The following XRCC5 variants were observed in gnomAD, a reference collection of about 807,000 sequenced individuals.
XRCC5 encodes the protein X-ray repair cross complementing 5.
Under a neutral mutation model 95.7 loss-of-function variants are expected in XRCC5, and 12 were observed. The observed-to-expected ratio is 0.13, with a 90% CI of 0.08 to 0.20. XRCC5 has a LOEUF of 0.20. XRCC5 is among the 10% of genes least tolerant of loss of function. The probability of loss-of-function intolerance (pLI) is 1.00; values close to 1 mark genes in which losing one functional copy is unlikely to be tolerated. For synonymous variants in XRCC5, 281 were observed against 290.3 expected, an observed-to-expected ratio of 0.97 and a Z score of 0.33; for missense variants, 595 against 873.9, an observed-to-expected ratio of 0.68 and a Z score of 4.02.
intron 19 of XRCC5, among the ~76,000 whole-genome samples, chr2:216,200,016 A>G (rs767583083): frequency 2.1e-5 from 3 of 142,954 alleles, no homozygotes; most frequent in Non-Finnish European, 4.4e-5. Flanking sequence ...GCAATTGGCC[A>G]TTTTACCAAT....
chr2:216,162,125 G>A (rs1688964972), intron 16 of XRCC5, 77 bp downstream of exon 16: 1 of 1,366,468 alleles, frequency 7.3e-7, no homozygotes, highest in South Asian at 1.2e-5. Context: ...AAGAACTGTA[G>A]CCTTTTGTTG....
At chr2:216,123,916 A>T (rs1393423598) in intron 6 of XRCC5, among the ~76,000 whole-genome samples, 1 of 152,214 alleles carries the variant, frequency 6.6e-6, no homozygotes, top group Admixed American at 6.5e-5. Flanking sequence ...CTGACTATGC[A>T]TTGTTTTAGC....
At chr2:216,114,135 A>G (rs1323458560) in intron 2 of XRCC5, among the ~76,000 whole-genome samples, 1 of 152,204 alleles carries the variant, frequency 6.6e-6, no homozygotes, top group Non-Finnish European at 1.5e-5. Context: ...GAATTAATGT[A>G]GATAAAGTGC....
chr2:216,204,509 C>A, intron 20 of XRCC5, 113 bp downstream of exon 20: 1 of 1,135,268 alleles, frequency 8.8e-7, no homozygotes, highest in Non-Finnish European at 1.3e-6. Flanking sequence ...TTTTAATTTC[C>A]AATACACCAG....
At chr2:216,132,562 A>G (rs1261409650) in intron 10 of XRCC5, among the ~76,000 whole-genome samples, 175 bp downstream of exon 10, 2 of 152,238 alleles carry the variant, frequency 1.3e-5, no homozygotes, top group African/African-American at 2.4e-5. Flanking sequence ...TTGTGTTAGC[A>G]TGAGCACAAG....
chr2:216,181,618 TC>T lies in XRCC5; in HGVS notation c.1835-8604del, dbSNP rs561068766. Among the ~76,000 whole-genome samples the T allele has an allele frequency of 4.6e-5, 7 of 152,342 alleles. No individual in the cohort carries two copies. In the South Asian group the frequency reaches 1.5e-3, roughly 32 times the overall value. On this transcript the variant is annotated intron_variant, in intron 16 of 20. Coordinates refer to ENST00000392132, the MANE Select transcript of XRCC5 (RefSeq NM_021141.4). ...ATTTGAGAACCGGTATATCTTTGGA[TC>T]CCAATGCCGCCCGTAGTTTTATTGT...
intron 2 of XRCC5, among the ~76,000 whole-genome samples, chr2:216,113,572 G>GTT (rs1240387340): frequency 1.3e-5 from 2 of 152,142 alleles, no homozygotes; most frequent in Non-Finnish European, 2.9e-5. Context: ...ATCATTCATG[G>GTT]TTCTGTGGGA....
chr2:216,144,439 G>T (rs1333125438), intron 13 of XRCC5, among the ~76,000 whole-genome samples: 1 of 152,164 alleles, frequency 6.6e-6, no homozygotes, highest in African/African-American at 2.4e-5. Flanking sequence ...CCCACTTGAA[G>T]GCTTAAGAGT....
chr2:216,179,604 C>T (rs892587212), intron 16 of XRCC5, among the ~76,000 whole-genome samples: 5 of 152,100 alleles, frequency 3.3e-5, no homozygotes, highest in African/African-American at 1.2e-4. Context: ...TAGTGGATAT[C>T]TGGGAGGAGA....
intron 17 of XRCC5, among the ~76,000 whole-genome samples, chr2:216,190,667 G>A (rs1044502187): frequency 1.3e-5 from 2 of 152,060 alleles, no homozygotes; most frequent in African/African-American, 4.8e-5. Context: ...TATTGTAAAG[G>A]ATGGGCTATT....
At position 216,148,137 on chromosome 2, in the gene XRCC5, C is replaced by T. The variant is rs1688674810; in HGVS notation, c.1531C>T (p.His511Tyr). Residue 511 changes from histidine to tyrosine, a missense_variant, in exon 14 of 21, where the codon CAT (histidine) becomes TAT (tyrosine). Around this residue, in one of 2 missense-constraint regions of XRCC5, gnomAD observed 309 missense variants for 382.9 expected, o/e 0.81. Coordinates refer to ENST00000392132, the MANE Select transcript of XRCC5 (RefSeq NM_021141.4). ...GGAGCCTCTACCCCCAATTCAGCAG[C>T]ATATTTGGAATATGCTGAATCCTCC... ...PREPLPPIQQ[H>Y]IWNMLNPPAE... The T allele has an allele frequency of 6.2e-7, 1 of 1,613,804 alleles. No individual in the cohort carries two copies.
intron 5 of XRCC5, 113 bp from the exon 6 acceptor site, chr2:216,121,949 A>G (rs892906290): frequency 3.1e-6 from 3 of 964,720 alleles, no homozygotes; most frequent in Middle Eastern, 2.9e-4. Context: ...GAGTCGTTTG[A>G]CAGATGAGAA....
At chr2:216,144,490 T>C (rs955297433) in intron 13 of XRCC5, among the ~76,000 whole-genome samples, 2 of 152,160 alleles carry the variant, frequency 1.3e-5, no homozygotes, top group African/African-American at 4.8e-5. Context: ...AATCAATTCT[T>C]AAGGCATTTA....
At chr2:216,156,753 T>G in intron 14 of XRCC5, 1 of 533,270 alleles carries the variant, frequency 1.9e-6, no homozygotes, top group South Asian at 1.4e-5. Context: ...TTGCCGCTGC[T>G]CCATTGGAAC....
intron 16 of XRCC5, among the ~76,000 whole-genome samples, chr2:216,179,116 A>G (rs974464931): frequency 6.6e-6 from 1 of 152,222 alleles, no homozygotes; most frequent in Admixed American, 6.5e-5. Flanking sequence ...ACTAAAGTCC[A>G]AAATCACAGG....
intron 6 of XRCC5, among the ~76,000 whole-genome samples, chr2:216,123,908 G>A (rs1696861762): frequency 6.6e-6 from 1 of 152,220 alleles, no homozygotes; most frequent in South Asian, 2.1e-4. Flanking sequence ...GGAAATTACT[G>A]ACTATGCATT....
chr2:216,124,732 G>GT (rs1696876471), intron 6 of XRCC5, among the ~76,000 whole-genome samples: 2 of 151,756 alleles, frequency 1.3e-5, no homozygotes, highest in Non-Finnish European at 2.9e-5. Flanking sequence ...TTGTAGATCT[G>GT]TTTTTTATCT....
chr2:216,190,329 A>G lies in XRCC5; in HGVS notation c.1939A>G (p.Ile647Val), dbSNP rs745872481. ...CATCCGAGCCTTCCGGGAAGAAGCCATTAAGGTAATGCTATCCTAGCATCT... is the reference window on the plus strand; with the variant it reads ...CATCCGAGCCTTCCGGGAAGAAGCCGTTAAGGTAATGCTATCCTAGCATCT... ...DCIRAFREEA[I>V]KFSEEQRFNN... The change falls in exon 17 of 21, where the codon ATT becomes GTT. Residue 647 changes from isoleucine to valine, a missense_variant. Physicochemically the swap from Ile to Val is conservative, Grantham distance 29. Transcript: ENST00000392132. The G allele has an allele frequency of 5.0e-6, 8 of 1,612,962 alleles. No individual in the cohort carries two copies. The highest frequency in any genetic ancestry group is 1.3e-5 in the African/African-American group (1 of 74,914).
At position 216,112,962 on chromosome 2, in the gene XRCC5, C is replaced by A. The variant is rs547112494; in HGVS notation, c.22-54C>A. On this transcript the variant is annotated intron_variant, in intron 1 of 20. Coordinates refer to ENST00000392132, the MANE Select transcript of XRCC5 (RefSeq NM_021141.4). ...ATACAATAAGCAAGGGACATTCTTA[C>A]AGTCTTTTCTTACGACTTATTTTCT... 41 of 1,374,234 alleles carry A rather than the reference C, an allele frequency of 3.0e-5. No homozygotes were observed. The African/African-American group carries it at 4.6e-4, about 15-fold the overall frequency. The allele number at this position is 1,374,234 out of a possible 1,614,324, so 85.1% of individuals were successfully genotyped here. A position where few individuals can be genotyped will look rare whatever the true frequency, so the allele number is the denominator to read the frequency against.
Sources: gnomAD v4.1 joint callset for allele counts (sites outside exome capture counted in the v4.1 genomes callset) on GRCh38, gnomAD v4.1.1 for gene constraint, gnomAD v4.1.1 regional missense constraint, MANE v1.5 for transcripts, NCBI Gene and HGNC (gene_info 2026-07-23, HGNC 2026-07-21) for gene names.